EXOC6B: variants seen among roughly 807,000 people sequenced by gnomAD.
EXOC6B encodes SEC15 homolog B.
Under a neutral mutation model 113.5 loss-of-function variants are expected in EXOC6B, and 54 were observed. That is an observed-to-expected ratio of 0.48 (90% CI 0.38 to 0.60). EXOC6B has a LOEUF of 0.60. EXOC6B is among the 20% of genes least tolerant of loss of function. The pLI is 0.00. For synonymous variants in EXOC6B, 357 were observed against 339.0 expected, an observed-to-expected ratio of 1.05 and a Z score of -0.58; for missense variants, 797 against 977.5, an observed-to-expected ratio of 0.82 and a Z score of 2.46.
At chr2:72,379,029 C>A (rs905457609) in intron 19 of EXOC6B, among the ~76,000 whole-genome samples, 1 of 152,076 alleles carries the variant, frequency 6.6e-6, no homozygotes, top group Non-Finnish European at 1.5e-5. Flanking sequence ...TCAGGGATCT[C>A]CTCAAAAGGT....
intron 1 of EXOC6B, among the ~76,000 whole-genome samples, chr2:72,809,394 C>T (rs1685754251): frequency 6.6e-6 from 1 of 151,846 alleles, no homozygotes; most frequent in African/African-American, 2.4e-5. Flanking sequence ...AATGACATAT[C>T]ATCCAAACAT....
At chr2:72,773,326 C>T (rs920773624) in intron 1 of EXOC6B, among the ~76,000 whole-genome samples, 3 of 151,158 alleles carry the variant, frequency 2.0e-5, no homozygotes, top group Admixed American at 1.3e-4. Flanking sequence ...GATGGGATTT[C>T]ACCATGTTGC....
intron 20 of EXOC6B, among the ~76,000 whole-genome samples, chr2:72,325,171 A>T (rs1264496676): frequency 6.6e-6 from 1 of 152,182 alleles, no homozygotes; most frequent in East Asian, 1.9e-4. Context: ...ACAATCCCTT[A>T]ACCGCATCTG....
chr2:72,800,598 G>A (rs936121722), intron 1 of EXOC6B, among the ~76,000 whole-genome samples: 1 of 152,094 alleles, frequency 6.6e-6, no homozygotes, highest in East Asian at 1.9e-4. Context: ...CAACAGCCTT[G>A]TAAGACAGCT....
chr2:72,393,224 G>A (rs896509816), intron 18 of EXOC6B, among the ~76,000 whole-genome samples: 6 of 151,886 alleles, frequency 4.0e-5, no homozygotes, highest in Non-Finnish European at 8.8e-5. Context: ...CTCCCAAGTA[G>A]CTGGGACTAC....
At chr2:72,643,507 G>C (rs1469382775) in intron 6 of EXOC6B, among the ~76,000 whole-genome samples, 2 of 146,904 alleles carry the variant, frequency 1.4e-5, no homozygotes, top group Non-Finnish European at 3.0e-5. Flanking sequence ...GTAAACTATC[G>C]CAAGAACAAA....
intron 18 of EXOC6B, among the ~76,000 whole-genome samples, chr2:72,431,828 T>C (rs540073885): frequency 1.2e-4 from 18 of 152,084 alleles, no homozygotes; most frequent in African/African-American, 4.3e-4. Flanking sequence ...CCCTGGTGTG[T>C]GATGACCCCC....
At chr2:72,461,581 ATTTG>A (rs1411650695) in intron 18 of EXOC6B, 1 of 151,974 alleles carries the variant, frequency 6.6e-6, no homozygotes, top group African/African-American at 2.4e-5. Context: ...TTGTGAACAC[ATTTG>A]TTTGTTGGAT....
At chr2:72,748,206 A>C (rs181130522) in intron 1 of EXOC6B, among the ~76,000 whole-genome samples, 62 of 152,180 alleles carry the variant, frequency 4.1e-4, no homozygotes, top group African/African-American at 1.2e-3. Flanking sequence ...TCAAGGAAAA[A>C]TTCCAGAGTT....
intron 16 of EXOC6B, among the ~76,000 whole-genome samples, chr2:72,487,684 T>A (rs938663803): frequency 3.9e-5 from 6 of 152,210 alleles, no homozygotes; most frequent in African/African-American, 1.4e-4. Flanking sequence ...TAAGGAGTAC[T>A]GGTCAACTAT....
chr2:72,623,027 G>C (rs1309532218), intron 6 of EXOC6B, among the ~76,000 whole-genome samples: 1 of 152,036 alleles, frequency 6.6e-6, no homozygotes, highest in Non-Finnish European at 1.5e-5. Context: ...GGAGCTGCTG[G>C]GACACTAATA....
intron 18 of EXOC6B, among the ~76,000 whole-genome samples, chr2:72,382,930 G>A (rs1183661508): frequency 2.6e-5 from 4 of 152,100 alleles, no homozygotes; most frequent in African/African-American, 9.7e-5. Flanking sequence ...CTTTTAGGCA[G>A]AGTAGCCATA....
rs1693171192 is a variant in EXOC6B, at chr2:72,401,510, TATATACATATATAC to T, written c.1981-21654_1981-21641del. Among the ~76,000 whole-genome samples the T allele has an allele frequency of 2.9e-4, 12 of 41,746 alleles. 3 individuals carry two copies. In the African/African-American group the frequency reaches 5.8e-3, roughly 20 times the overall value. 27.4% of individuals were successfully genotyped at this position (41,746 alleles called of 152,430 possible). A position where few individuals can be genotyped will look rare whatever the true frequency, so the allele number is the denominator to read the frequency against. On this transcript the variant is annotated intron_variant, in intron 18 of 21. Transcript: ENST00000272427. Reference sequence around the variant, plus strand: ...TTTTATATACATATATATATATATATATATACATATATACATATATATATATATATATATGTGTA... The same window carrying T: ...TTTTATATACATATATATATATATATATATATATATATATATATATGTGTA...
chr2:72,794,609 T>G (rs1459808021), intron 1 of EXOC6B, among the ~76,000 whole-genome samples: 3 of 152,250 alleles, frequency 2.0e-5, no homozygotes, highest in Non-Finnish European at 4.4e-5. Context: ...GATAAATAAA[T>G]TCATTGTTAT....
intron 20 of EXOC6B, chr2:72,289,019 T>C (rs1685621121): frequency 3.7e-6 from 1 of 270,126 alleles, no homozygotes; most frequent in African/African-American, 2.3e-5. Flanking sequence ...CCCGCCAGTT[T>C]AGTTTCATTG....
At chr2:72,449,820 T>G (rs1696807290) in intron 18 of EXOC6B, among the ~76,000 whole-genome samples, 1 of 152,170 alleles carries the variant, frequency 6.6e-6, no homozygotes, top group African/African-American at 2.4e-5. Context: ...AATCTCTGGG[T>G]TGGAAGACTT....
At chr2:72,365,083 C>A (rs1690536821) in intron 19 of EXOC6B, among the ~76,000 whole-genome samples, 1 of 152,056 alleles carries the variant, frequency 6.6e-6, no homozygotes, top group African/African-American at 2.4e-5. Context: ...TGGCGGGCAA[C>A]TTATAGAAAC....
At chr2:72,729,200 G>C (rs1321709073) in intron 5 of EXOC6B, among the ~76,000 whole-genome samples, 1 of 151,936 alleles carries the variant, frequency 6.6e-6, no homozygotes, top group Non-Finnish European at 1.5e-5. Flanking sequence ...ATAAATTTAT[G>C]ATACTGGTTT....
At chr2:72,409,323 T>A (rs1694007684) in intron 18 of EXOC6B, among the ~76,000 whole-genome samples, 1 of 152,162 alleles carries the variant, frequency 6.6e-6, no homozygotes, top group Admixed American at 6.5e-5. Flanking sequence ...TCCTCAGTGA[T>A]CTAGAACTGT....
Sources: allele counts gnomAD v4.1 joint callset (sites outside exome capture counted in the v4.1 genomes callset), GRCh38; gene constraint gnomAD v4.1.1; transcripts MANE v1.5; gene names NCBI Gene and HGNC (gene_info 2026-07-23, HGNC 2026-07-21).